Variants in CCDC141 observed in about 807,000 individuals in gnomAD.
The protein encoded by CCDC141 is coiled-coil domain containing 141.
CCDC141 carries 168 observed loss-of-function variants against 181.0 expected under a neutral mutation model. The ratio of observed to expected loss-of-function variants is 0.93; its 90% CI spans 0.82 to 1.05. The LOEUF is 1.05. CCDC141 is among the 50% of genes least tolerant of loss of function. The probability of loss-of-function intolerance (pLI) is 0.00; values close to 1 mark genes in which losing one functional copy is unlikely to be tolerated. For synonymous variants in CCDC141, 666 were observed against 642.3 expected (o/e 1.04, Z -0.56); for missense variants, 1,902 against 1,788.5 (o/e 1.06, Z -1.14).
intron 20 of CCDC141, 48 bp downstream of exon 20, chr2:178,853,393 T>C (rs778048120): frequency 1.9e-6 from 3 of 1,554,494 alleles, no homozygotes; most frequent in Non-Finnish European, 1.8e-6. Context: ...AGGCTCAGTA[T>C]AGATTTGTTC....
chr2:178,983,926 C>G (rs991905028), intron 2 of CCDC141, among the ~76,000 whole-genome samples: 2 of 150,304 alleles, frequency 1.3e-5, no homozygotes. Flanking sequence ...CCCAATCTAG[C>G]AAGGCAGGCC....
In CCDC141 at chr2:178,978,491, G is replaced by A; in HGVS notation, c.410C>T (p.Ala137Val). ...GTTTTTTAAAGTACAAACCTCTAAG[G>A]CATTTTCAAAAAATTCAGAAGTCAA... is the stretch of plus-strand genomic sequence containing the variant. Reference protein sequence around the residue: ...LRLTSEFFENALEFAIKIDQA... With the variant: ...LRLTSEFFENVLEFAIKIDQA... The change falls in exon 3 of 24, where the codon GCC becomes GTC. Residue 137 changes from alanine (A) to valine (V), a missense_variant. By Grantham distance (64) the Ala-to-Val change is moderately conservative. Coordinates refer to ENST00000443758, the MANE Select transcript of CCDC141 (RefSeq NM_173648.4). The A allele has an allele frequency of 1.3e-6, 2 of 1,497,486 alleles. No homozygotes were observed. Among genetic ancestry groups the A allele is most frequent in the Non-Finnish European group, 1.8e-6 (2 of 1,121,854 alleles). The allele number at this position is 1,497,486 out of a possible 1,614,324, so 92.8% of individuals were successfully genotyped here.
chr2:178,817,732 T>C, the CCDC141 span: 2 of 309,184 alleles, frequency 6.5e-6, no homozygotes, highest in Non-Finnish European at 1.3e-5. Context: ...TGTAATATTT[T>C]CGTTCTCTTT....
At position 178,860,543 on chromosome 2, in the gene CCDC141, C is replaced by CTTTTTTTTTTT. The variant is rs71023458; in HGVS notation, c.2725-4157_2725-4147dup. On this transcript the variant is annotated intron_variant, in intron 17 of 23. Coordinates refer to ENST00000443758, the MANE Select transcript of CCDC141 (RefSeq NM_173648.4). ...GCGAGACTCAAAAAAAAAAACAACA[C>CTTTTTTTTTTT]TTTTTTTTTTTTTTTTTTTTTTTTT... 1.6e-4 allele frequency among the ~76,000 whole-genome samples: 8 copies of CTTTTTTTTTTT among 51,338 alleles called. 1 individual carries two copies. Among genetic ancestry groups the CTTTTTTTTTTT allele is most frequent in the African/African-American group, 2.5e-4 (3 of 11,852 alleles). 33.7% of individuals were successfully genotyped at this position (51,338 alleles called of 152,430 possible).
chr2:178,887,757 T>G (rs1686954955), intron 9 of CCDC141, among the ~76,000 whole-genome samples: 1 of 152,226 alleles, frequency 6.6e-6, no homozygotes, highest in Non-Finnish European at 1.5e-5. Context: ...TGAAGTCTAC[T>G]AATTCTATTC....
At chr2:179,017,934 G>C (rs1253678097) in intron 2 of CCDC141, among the ~76,000 whole-genome samples, 2 of 151,994 alleles carry the variant, frequency 1.3e-5, no homozygotes, top group South Asian at 2.1e-4. Context: ...TCTCCTACTT[G>C]CTTAGTCATT....
intron 4 of CCDC141, among the ~76,000 whole-genome samples, chr2:178,972,732 GA>G (rs1220702494): frequency 6.6e-6 from 1 of 152,214 alleles, no homozygotes; most frequent in Non-Finnish European, 1.5e-5. Context: ...GAAGTCAGGA[GA>G]AGGTATATTA....
Position 178,833,961 on chromosome 2 carries a change from C to G in CCDC141, c.*212G>C. 1 of 553,510 alleles carries G rather than the reference C, an allele frequency of 1.8e-6. No individual in the cohort carries two copies. Among genetic ancestry groups the G allele is most frequent in the Non-Finnish European group, 3.2e-6 (1 of 313,740 alleles). The allele number at this position is 553,510 out of a possible 1,614,324, so 34.3% of individuals were successfully genotyped here. A position where few individuals can be genotyped will look rare whatever the true frequency, so the allele number is the denominator to read the frequency against. Reference sequence around the variant, plus strand: ...CTAGAGTACAAAAATCTGTTCTTATCCACTACAGATAATTTACCAAGCTTC... The same window carrying G: ...CTAGAGTACAAAAATCTGTTCTTATGCACTACAGATAATTTACCAAGCTTC... On this transcript the variant is annotated 3_prime_UTR_variant, in exon 24 of 24. Transcript: ENST00000443758.
rs965630501 is a variant in CCDC141 at position 178,905,423 on chromosome 2, C to T, written c.1171G>A (p.Val391Met). 20 of 1,550,868 alleles carry T rather than the reference C, an allele frequency of 1.3e-5. No individual in the cohort carries two copies. Among genetic ancestry groups the T allele is most frequent in the Non-Finnish European group, 1.7e-5 (19 of 1,147,034 alleles). ...SEGLSLAVLA[V>M]RHEELHRKIK... is the part of the protein sequence containing the mutation. ...TTTCTGTGTAATTCCTCATGCCTCA[C>T]TGCCAAAACAGCCAGACTTAAACCC... The change falls in exon 8 of 24, where the codon GTG (valine) becomes ATG (methionine). Residue 391 changes from valine (V) to methionine (M), a missense_variant. Val to Met is a conservative substitution (Grantham distance 21). Coordinates refer to ENST00000443758, the MANE Select transcript of CCDC141 (RefSeq NM_173648.4).
At chr2:178,899,392 T>C (rs527390361) in intron 8 of CCDC141, among the ~76,000 whole-genome samples, 72 of 152,174 alleles carry the variant, frequency 4.7e-4, no homozygotes, top group Non-Finnish European at 9.7e-4. Flanking sequence ...TATTGAGCCC[T>C]TTCTATGTGC....
chr2:178,890,825 T>C (rs749413947), intron 8 of CCDC141, among the ~76,000 whole-genome samples: 3 of 152,226 alleles, frequency 2.0e-5, no homozygotes, highest in Non-Finnish European at 1.5e-5. Flanking sequence ...AGATGCACAC[T>C]TCTTATAAAT....
At chr2:178,816,412 T>C in the CCDC141 span, among the ~76,000 whole-genome samples, 1 of 152,218 alleles carries the variant, frequency 6.6e-6, no homozygotes. Context: ...ACTGTATGTA[T>C]GTATCTCAGT....
intron 2 of CCDC141, among the ~76,000 whole-genome samples, chr2:178,986,198 A>T (rs567381577): frequency 1.3e-5 from 2 of 152,370 alleles, no homozygotes; most frequent in East Asian, 3.9e-4. Flanking sequence ...GCATATAAAC[A>T]GAGCCAAAGA....
downstream of CCDC141, among the ~76,000 whole-genome samples, chr2:178,825,034 A>G (rs753055254): frequency 2.4e-4 from 36 of 152,218 alleles, no homozygotes; most frequent in Non-Finnish European, 4.1e-4. Flanking sequence ...TACTCTCAAG[A>G]AAATGTTTAA....
At chr2:178,824,264 C>T in the CCDC141 span, among the ~76,000 whole-genome samples, 21 of 152,002 alleles carry the variant, frequency 1.4e-4, no homozygotes, top group African/African-American at 4.8e-4. Context: ...GGTATCATTC[C>T]GCTAACTGAT....
intron 2 of CCDC141, among the ~76,000 whole-genome samples, chr2:179,003,717 G>A (rs1366612832): frequency 6.6e-6 from 1 of 152,144 alleles, no homozygotes; most frequent in African/African-American, 2.4e-5. Flanking sequence ...GATTTGAAAT[G>A]TCTACATGGA....
intron 2 of CCDC141, among the ~76,000 whole-genome samples, chr2:178,979,871 A>C (rs987554230): frequency 5.3e-5 from 8 of 152,194 alleles, no homozygotes; most frequent in Admixed American, 3.9e-4. Flanking sequence ...TGCTTTTAAA[A>C]GTAATAATAA....
intron 2 of CCDC141, among the ~76,000 whole-genome samples, chr2:178,991,744 C>T (rs1394999267): frequency 6.6e-6 from 1 of 151,984 alleles, no homozygotes; most frequent in African/African-American, 2.4e-5. Flanking sequence ...ATTACCAAGA[C>T]TTCATCATTA....
At chr2:178,930,410 C>T (rs1689056991) in intron 6 of CCDC141, among the ~76,000 whole-genome samples, 1 of 152,020 alleles carries the variant, frequency 6.6e-6, no homozygotes, top group South Asian at 2.1e-4. Context: ...CAATGCAATC[C>T]CTATCAGAAT....
Sources: allele counts gnomAD v4.1 joint callset (sites outside exome capture counted in the v4.1 genomes callset), GRCh38; gene constraint gnomAD v4.1.1; transcripts MANE v1.5; gene names NCBI Gene and HGNC (gene_info 2026-07-23, HGNC 2026-07-21).